TANGO6: variants seen among roughly 807,000 people sequenced by gnomAD.
TANGO6 encodes the protein transport and Golgi organization protein 6 homolog.
In TANGO6, 90 loss-of-function variants were observed where a neutral mutation model predicts 114.2. The ratio of observed to expected loss-of-function variants is 0.79; its 90% CI spans 0.66 to 0.94. The LOEUF (loss-of-function observed/expected upper bound fraction) is 0.94. Among genes scored for constraint, TANGO6 ranks in the 40% least tolerant of loss-of-function variants. The pLI, the probability that TANGO6 is intolerant of heterozygous loss-of-function variation, is 0.00. For synonymous variants in TANGO6, 477 were observed against 509.8 expected (o/e 0.94, Z 0.87); for missense variants, 1,274 against 1,315.3 (o/e 0.97, Z 0.49).
intron 16 of TANGO6, among the ~76,000 whole-genome samples, chr16:69,025,176 C>G (rs1959479687): frequency 6.6e-6 from 1 of 152,256 alleles, no homozygotes; most frequent in Non-Finnish European, 1.5e-5. Flanking sequence ...CGTGCCCCAG[C>G]TCACCTGTGT....
intron 17 of TANGO6, among the ~76,000 whole-genome samples, chr16:69,040,843 A>G (rs1170217091): frequency 2.0e-5 from 3 of 152,266 alleles, no homozygotes; most frequent in East Asian, 1.9e-4. Context: ...AGTTCAATCT[A>G]TGACATGTTA....
intron 14 of TANGO6, among the ~76,000 whole-genome samples, chr16:68,932,501 G>A (rs1315264289): frequency 6.6e-6 from 1 of 152,084 alleles, no homozygotes; most frequent in Non-Finnish European, 1.5e-5. Context: ...AACAACATTA[G>A]GACCGGGAGC....
intron 14 of TANGO6, among the ~76,000 whole-genome samples, chr16:68,936,582 G>A (rs764706712): frequency 1.3e-5 from 2 of 152,106 alleles, no homozygotes; most frequent in African/African-American, 2.4e-5. Context: ...TGATCCACCC[G>A]CCTCAGACTC....
At chr16:68,867,276 C>T (rs753170020) in intron 4 of TANGO6, 56 bp downstream of exon 4, 1 of 1,606,508 alleles carries the variant, frequency 6.2e-7, no homozygotes, top group Non-Finnish European at 8.5e-7. Flanking sequence ...GAGTCAGAGT[C>T]TGAGGTGAAT....
chr16:68,947,983 G>T (rs1157134021), intron 14 of TANGO6, among the ~76,000 whole-genome samples: 1 of 151,784 alleles, frequency 6.6e-6, no homozygotes, highest in East Asian at 1.9e-4. Context: ...ATTTTACAGG[G>T]ATTCCCAGTC....
intron 5 of TANGO6, among the ~76,000 whole-genome samples, chr16:68,877,771 C>A (rs1962389376): frequency 6.6e-6 from 1 of 151,974 alleles, no homozygotes; most frequent in African/African-American, 2.4e-5. Flanking sequence ...CCACACTCGG[C>A]TAAGATTTTT....
At chr16:69,025,698 C>G (rs1411376704) in intron 16 of TANGO6, among the ~76,000 whole-genome samples, 1 of 151,894 alleles carries the variant, frequency 6.6e-6, no homozygotes, top group Non-Finnish European at 1.5e-5. Flanking sequence ...GGTACCTGCC[C>G]CTATCTGCGT....
intron 16 of TANGO6, among the ~76,000 whole-genome samples, chr16:69,032,631 C>A (rs1959614884): frequency 6.6e-6 from 1 of 152,102 alleles, no homozygotes; most frequent in Admixed American, 6.5e-5. Flanking sequence ...GTAATCCCAG[C>A]CCTTTGGGAG....
rs185341316 is a variant in TANGO6, at chr16:68,889,038, G to T, written c.1377+8408G>T. Among the ~76,000 whole-genome samples, 88 of 152,320 alleles carry T rather than the reference G, an allele frequency of 5.8e-4. No homozygotes were observed. The Middle Eastern group carries it at 0.01, about 18-fold the overall frequency. On this transcript the variant is annotated intron_variant, in intron 7 of 17. Coordinates refer to ENST00000261778, the MANE Select transcript of TANGO6 (RefSeq NM_024562.2). ...AGGTCTTCGCTATGTTGGCTGGGTTGTTCTCGAACTCCTGACCTCAAGTGA... is the reference window on the plus strand; with the variant it reads ...AGGTCTTCGCTATGTTGGCTGGGTTTTTCTCGAACTCCTGACCTCAAGTGA...
chr16:68,867,535 A>C, intron 4 of TANGO6: 1 of 241,198 alleles, frequency 4.1e-6, no homozygotes, highest in Non-Finnish European at 8.0e-6. Flanking sequence ...CCCTAAAGTA[A>C]ATGTTAAATA....
chr16:68,910,502 G>T (rs1456151909), intron 11 of TANGO6, among the ~76,000 whole-genome samples: 1 of 152,092 alleles, frequency 6.6e-6, no homozygotes, highest in Non-Finnish European at 1.5e-5. Context: ...TTTGCACTTA[G>T]CTCCCTTTAC....
chr16:68,942,572 T>C (rs1053868270), intron 14 of TANGO6, among the ~76,000 whole-genome samples: 2 of 152,166 alleles, frequency 1.3e-5, no homozygotes, highest in Non-Finnish European at 2.9e-5. Context: ...ATAGGAAGAA[T>C]GGGTCTAGGT....
chr16:69,051,823 G>A (rs1465401980), intron 17 of TANGO6, among the ~76,000 whole-genome samples: 3 of 152,080 alleles, frequency 2.0e-5, no homozygotes, highest in South Asian at 2.1e-4. Context: ...TTCAGCCTGG[G>A]CAACAGAGCG....
At chr16:68,982,234 T>C (rs1374756499) in intron 15 of TANGO6, among the ~76,000 whole-genome samples, 1 of 152,230 alleles carries the variant, frequency 6.6e-6, no homozygotes. Context: ...TGTTCACTGC[T>C]GTATAAACTC....
chr16:68,873,157 A>C (rs1596998827), intron 4 of TANGO6, among the ~76,000 whole-genome samples: 3 of 143,750 alleles, frequency 2.1e-5, no homozygotes, highest in African/African-American at 7.8e-5. Flanking sequence ...AGCAATCACC[A>C]CTCCTCATTC....
chr16:69,008,149 T>G (rs1320746757), intron 15 of TANGO6, among the ~76,000 whole-genome samples: 1 of 152,154 alleles, frequency 6.6e-6, no homozygotes, highest in Non-Finnish European at 1.5e-5. Flanking sequence ...AGACTTTTTT[T>G]TTAGAGCAGT....
At chr16:68,869,973 G>A (rs1350530165) in intron 4 of TANGO6, among the ~76,000 whole-genome samples, 3 of 152,174 alleles carry the variant, frequency 2.0e-5, no homozygotes, top group African/African-American at 7.2e-5. Flanking sequence ...GGCCTGATAG[G>A]CTGAGTTCAG....
chr16:69,081,485 A>C (rs1430472572), intron 17 of TANGO6, among the ~76,000 whole-genome samples: 2 of 150,526 alleles, frequency 1.3e-5, no homozygotes, highest in African/African-American at 4.9e-5. Flanking sequence ...CTGGGATTAC[A>C]GGTGCGTGCC....
chr16:68,859,735 GGGTTGGTACCCCTGGGGGAGGCTTTCC>G, intron 1 of TANGO6, 122 bp from the exon 2 acceptor site: 2 of 778,258 alleles, frequency 2.6e-6, no homozygotes, highest in Non-Finnish European at 4.0e-6. Flanking sequence ...TTCATAGGCT[GGGTTGGTACCCCTGGGGGAGGCTTTCC>G]AGAGCCAGTG....
Sources: allele counts gnomAD v4.1 joint callset (sites outside exome capture counted in the v4.1 genomes callset), GRCh38; gene constraint gnomAD v4.1.1; transcripts MANE v1.5; gene names NCBI Gene and HGNC (gene_info 2026-07-23, HGNC 2026-07-21).